ZBTB16: variants seen among roughly 807,000 people sequenced by gnomAD.
ZBTB16 encodes zinc finger and BTB domain-containing protein 16.
A neutral mutation model predicts 56.8 loss-of-function variants in ZBTB16; 8 were observed. The observed-to-expected ratio is 0.14, with a 90% CI of 0.08 to 0.25. The LOEUF (loss-of-function observed/expected upper bound fraction) is 0.25, where lower values mean the gene tolerates loss of function less well. Ranked by LOEUF, ZBTB16 falls within the 10% of genes least tolerant of loss-of-function variation. The pLI is 1.00. For synonymous variants in ZBTB16, 363 were observed against 368.5 expected (o/e 0.98, Z 0.17); for missense variants, 625 against 903.0 (o/e 0.69, Z 3.95).
At chr11:114,199,121 A>G (rs954771440) in intron 4 of ZBTB16, among the ~76,000 whole-genome samples, 2 of 152,350 alleles carry the variant, frequency 1.3e-5, no homozygotes, top group Non-Finnish European at 2.9e-5. Flanking sequence ...GATTTTGGAC[A>G]TGTATGCTGG....
Position 114,250,752 on chromosome 11 carries a change from G to T in ZBTB16, c.*197G>T, listed in dbSNP as rs964822129. 13 of 627,960 alleles carry T rather than the reference G, an allele frequency of 2.1e-5. No homozygotes were observed. The South Asian group carries it at 2.6e-4, about 12-fold the overall frequency. The allele number at this position is 627,960 out of a possible 1,614,324, so 38.9% of individuals were successfully genotyped here. ...TGCCAAGCCACTGCCCCTCCTCTGG[G>T]GGCCTCCACCCTCCTCTCCCGGCTG... On this transcript the variant is annotated 3_prime_UTR_variant, in exon 7 of 7. Coordinates refer to ENST00000335953, the MANE Select transcript of ZBTB16 (RefSeq NM_006006.6). This position sits in a 1 kb window ranked among gnomAD's most constrained non-coding sequence, Gnocchi z 6.0.
intron 2 of ZBTB16, among the ~76,000 whole-genome samples, chr11:114,085,871 G>A (rs956394802): frequency 6.6e-6 from 1 of 152,146 alleles, no homozygotes; most frequent in African/African-American, 2.4e-5. Context: ...TAGCTTTCTG[G>A]ACATTTGTAA....
intron 2 of ZBTB16, among the ~76,000 whole-genome samples, chr11:114,092,893 A>G (rs1385809363): frequency 6.6e-6 from 1 of 152,100 alleles, no homozygotes; most frequent in Non-Finnish European, 1.5e-5. Context: ...TTCTTTGGGC[A>G]TGTTCCCTTC....
chr11:114,170,536 CT>C (rs1390734590), intron 3 of ZBTB16, among the ~76,000 whole-genome samples: 2 of 152,146 alleles, frequency 1.3e-5, no homozygotes, highest in East Asian at 3.9e-4. Context: ...GTCTTCCAGA[CT>C]TTTCCCCAGT....
intron 3 of ZBTB16, among the ~76,000 whole-genome samples, chr11:114,176,666 G>C (rs1245442487): frequency 6.6e-6 from 1 of 152,162 alleles, no homozygotes; most frequent in African/African-American, 2.4e-5. Flanking sequence ...TGCCATGAGC[G>C]CCCAGCTTCT....
chr11:114,190,145 G>A (rs1398783783), intron 4 of ZBTB16, among the ~76,000 whole-genome samples: 3 of 152,218 alleles, frequency 2.0e-5, no homozygotes, highest in Non-Finnish European at 4.4e-5. Flanking sequence ...GTAGGTGCCA[G>A]GGGCTGGGGA....
intron 2 of ZBTB16, among the ~76,000 whole-genome samples, chr11:114,104,015 A>C (rs751006217): frequency 1.1e-4 from 17 of 152,152 alleles, no homozygotes; most frequent in Non-Finnish European, 2.2e-4. Flanking sequence ...TTCCTCGCAG[A>C]CCAGCATTTT....
At chr11:114,235,628 TCC>T (rs1491469311) in intron 4 of ZBTB16, among the ~76,000 whole-genome samples, 2 of 66,264 alleles carry the variant, frequency 3.0e-5, no homozygotes, top group Non-Finnish European at 6.1e-5. Context: ...CCCTCTCCCT[TCC>T]TTTCTTTCTT....
chr11:114,205,205 C>G (rs1268658542), intron 4 of ZBTB16, among the ~76,000 whole-genome samples: 2 of 151,920 alleles, frequency 1.3e-5, no homozygotes, highest in Non-Finnish European at 2.9e-5. Context: ...GTCAGGAGAT[C>G]GAGACCATCC....
intron 2 of ZBTB16, among the ~76,000 whole-genome samples, chr11:114,141,326 A>T (rs1035701629): frequency 2.0e-5 from 3 of 152,222 alleles, no homozygotes; most frequent in African/African-American, 7.2e-5. Flanking sequence ...GACCGTCTGC[A>T]GTGACAGCAG....
intron 2 of ZBTB16, among the ~76,000 whole-genome samples, chr11:114,069,248 G>T (rs1243923826): frequency 6.6e-6 from 1 of 152,166 alleles, no homozygotes; most frequent in Non-Finnish European, 1.5e-5. Flanking sequence ...ACCACGCCCG[G>T]CTAATTTTTT....
In ZBTB16 at chr11:114,256,323, G is replaced by C. The variant is rs1223384417; in HGVS notation, c.*5768G>C. ...TGTACCAGTTACTGTTGTCGGCGCTGGGAATTACAGCAAAGGACAAACAGA... is the reference window on the plus strand; with the variant it reads ...TGTACCAGTTACTGTTGTCGGCGCTCGGAATTACAGCAAAGGACAAACAGA... On this transcript the variant is annotated 3_prime_UTR_variant, in exon 7 of 7. Transcript: ENST00000335953. 2.0e-5 allele frequency among the ~76,000 whole-genome samples: 3 copies of C among 152,346 alleles called. No homozygotes were observed. Among genetic ancestry groups the C allele is most frequent in the African/African-American group, 7.2e-5 (3 of 41,574 alleles).
intron 4 of ZBTB16, among the ~76,000 whole-genome samples, chr11:114,199,354 G>A (rs1056332666): frequency 6.6e-6 from 1 of 151,426 alleles, no homozygotes; most frequent in Non-Finnish European, 1.5e-5. Context: ...CTGGGCCCCG[G>A]GACGGGGCTG....
intron 4 of ZBTB16, among the ~76,000 whole-genome samples, chr11:114,203,050 A>G (rs773148593): frequency 6.6e-6 from 1 of 152,216 alleles, no homozygotes; most frequent in Non-Finnish European, 1.5e-5. Context: ...GGTGGAAACT[A>G]CCCAATTGCC....
chr11:114,157,540 G>A (rs1942449555), intron 3 of ZBTB16, among the ~76,000 whole-genome samples: 1 of 152,146 alleles, frequency 6.6e-6, no homozygotes, highest in African/African-American at 2.4e-5. Flanking sequence ...TGCCCCGGGG[G>A]GCGTGTCCCC....
At chr11:114,148,798 G>C (rs1942209597) in intron 2 of ZBTB16, among the ~76,000 whole-genome samples, 1 of 151,412 alleles carries the variant, frequency 6.6e-6, no homozygotes, top group African/African-American at 2.4e-5. Flanking sequence ...CGCCTGCCTG[G>C]CTTTCTTTCT....
chr11:114,094,096 A>G (rs1940291640), intron 2 of ZBTB16, among the ~76,000 whole-genome samples: 1 of 152,162 alleles, frequency 6.6e-6, no homozygotes, highest in African/African-American at 2.4e-5. Flanking sequence ...CAGGTGGATC[A>G]CGAGGTCAGG....
At chr11:114,213,236 A>T (rs1450052344) in intron 4 of ZBTB16, among the ~76,000 whole-genome samples, 1 of 152,084 alleles carries the variant, frequency 6.6e-6, no homozygotes, top group African/African-American at 2.4e-5. Flanking sequence ...CTTCCAACTC[A>T]TTGAACCAAG....
At chr11:114,108,145 T>C (rs960449241) in intron 2 of ZBTB16, among the ~76,000 whole-genome samples, 13 of 152,126 alleles carry the variant, frequency 8.5e-5, no homozygotes, top group Admixed American at 6.5e-5. Flanking sequence ...CTATTTAAAC[T>C]TCTGTGTGTA....
Sources: allele counts gnomAD v4.1 joint callset (sites outside exome capture counted in the v4.1 genomes callset), GRCh38; gene constraint gnomAD v4.1.1; non-coding constraint Gnocchi (gnomAD v3.1); transcripts MANE v1.5; gene names NCBI Gene and HGNC (gene_info 2026-07-23, HGNC 2026-07-21).